Variants in PDE11A observed in about 807,000 individuals in gnomAD.
PDE11A encodes phosphodiesterase 11A, also known as dual 3',5'-cyclic-AMP and -GMP phosphodiesterase 11A.
Under a neutral mutation model 100.5 loss-of-function variants are expected in PDE11A, and 100 were observed. That is an observed-to-expected ratio of 1.00 (90% confidence interval 0.85 to 1.18). The LOEUF is 1.18. PDE11A is among the 50% of genes most tolerant of loss of function. PDE11A has a pLI of 0.00. For missense variants in PDE11A, 1,141 were observed against 1,152.6 expected (o/e 0.99, Z 0.15); for synonymous variants, 381 against 420.8 (o/e 0.91, Z 1.16).
intron 10 of PDE11A, among the ~76,000 whole-genome samples, chr2:177,745,767 T>C (rs2081938771): frequency 6.6e-6 from 1 of 152,190 alleles, no homozygotes; most frequent in African/African-American, 2.4e-5. Flanking sequence ...GTGAGTGTAT[T>C]TGTTTTCCCA....
intron 9 of PDE11A, among the ~76,000 whole-genome samples, chr2:177,782,963 A>G (rs1299290070): frequency 6.6e-6 from 1 of 152,114 alleles, no homozygotes; most frequent in Non-Finnish European, 1.5e-5. Context: ...GCACCCTCTC[A>G]TGAAGTATCA....
Position 178,072,651 on chromosome 2 carries a change from ACTC to A in PDE11A, c.-217_-215del, listed in dbSNP as rs1321189719. 4 of 1,460,170 alleles carry A rather than the reference ACTC, an allele frequency of 2.7e-6. No individual in the cohort carries two copies. The African/African-American group carries it at 5.7e-5, about 21-fold the overall frequency. 90.5% of individuals were successfully genotyped at this position (1,460,170 alleles called of 1,614,324 possible). On this transcript the variant is annotated 5_prime_UTR_variant, in exon 1 of 20. Transcript: ENST00000286063. Reference sequence around the variant, plus strand: ...GCCGACCCCACCCCGTGGTCCTGCTACTCCTGCTCCGCACAGGTGCCCAGCACT... The same window carrying A: ...GCCGACCCCACCCCGTGGTCCTGCTACTGCTCCGCACAGGTGCCCAGCACT...
rs529018398 is a variant in PDE11A, at chr2:177,629,474, C to G, written c.2735G>C (p.Arg912Pro). The G allele has an allele frequency of 6.2e-7, 1 of 1,613,872 alleles. No homozygotes were observed. The highest frequency in any genetic ancestry group is 8.5e-7 in the Non-Finnish European group (1 of 1,179,818). ...RSKWEELHQK[R>P]LLASTASSSP... Reference sequence around the variant, plus strand: ...GGATGAGGCAGTTGAGGCCAGCAGTCGTTTTTGGTGTAGCTCTTCCCACTT... The same window carrying G: ...GGATGAGGCAGTTGAGGCCAGCAGTGGTTTTTGGTGTAGCTCTTCCCACTT... The change falls in exon 20 of 20, where the codon CGA becomes CCA. Residue 912 changes from arginine to proline, a missense_variant. By Grantham distance (103) the Arg-to-Pro change is moderately radical (BLOSUM62 -2). Coordinates refer to ENST00000286063, the MANE Select transcript of PDE11A (RefSeq NM_016953.4).
intron 2 of PDE11A, among the ~76,000 whole-genome samples, chr2:178,082,377 C>T (rs2087297177): frequency 1.3e-5 from 2 of 152,262 alleles, no homozygotes; most frequent in Middle Eastern, 6.8e-3. Context: ...AATACGTATA[C>T]CATTTTTTAA....
rs563498446 is a variant in PDE11A at position 178,072,699 on chromosome 2, G to C, written c.-262C>G. ...AGCACTGAGCTGCCGCCGCTGCCCC[G>C]GCTCCTGTTCCGGAAACCCGAGCTA... is the stretch of plus-strand genomic sequence containing the variant. On this transcript the variant is annotated 5_prime_UTR_variant, in exon 1 of 20. Transcript: ENST00000286063. The C allele has an allele frequency of 1.0e-5, 14 of 1,398,854 alleles. No homozygotes were observed. The Admixed American group carries it at 1.5e-4, about 15-fold the overall frequency. The allele number at this position is 1,398,854 out of a possible 1,614,324, so 86.7% of individuals were successfully genotyped here. A position where few individuals can be genotyped will look rare whatever the true frequency, so the allele number is the denominator to read the frequency against.
At chr2:177,972,641 A>G (rs1287110453) in intron 2 of PDE11A, among the ~76,000 whole-genome samples, 1 of 152,014 alleles carries the variant, frequency 6.6e-6, no homozygotes, top group Non-Finnish European at 1.5e-5. Context: ...AAGCTGAAAG[A>G]AAAAAAAGCT....
In PDE11A at chr2:178,072,424, C is replaced by A. The variant is rs779825580; in HGVS notation, c.14G>T (p.Arg5Leu). 6 of 1,613,320 alleles carry A rather than the reference C, an allele frequency of 3.7e-6. No homozygotes were observed. Among genetic ancestry groups the A allele is most frequent in the Non-Finnish European group, 5.1e-6 (6 of 1,180,032 alleles). The change falls in exon 1 of 20, where the codon CGC (arginine) becomes CTC (leucine). Residue 5 changes from arginine to leucine, a missense_variant. By Grantham distance (102) the Arg-to-Leu change is moderately radical. Transcript: ENST00000286063. MAAS[R>L]LDFGEVETFL... ...AGTTTCCACCTCCCCAAAGTCCAGG[C>A]GGGAGGCTGCCATGGTCCCAGACAG...
At chr2:177,916,935 T>A in intron 2 of PDE11A, among the ~76,000 whole-genome samples, 1 of 116,980 alleles carries the variant, frequency 8.5e-6, no homozygotes, top group East Asian at 2.5e-4. Context: ...TAATTTTTTT[T>A]TTTTTTTTTT....
At chr2:177,984,701 A>T (rs555340556) in intron 2 of PDE11A, among the ~76,000 whole-genome samples, 2 of 152,340 alleles carry the variant, frequency 1.3e-5, no homozygotes, top group Non-Finnish European at 2.9e-5. Context: ...ATATACATAA[A>T]CTTCACCAAA....
intron 2 of PDE11A, among the ~76,000 whole-genome samples, chr2:178,093,748 G>A (rs1410501927): frequency 1.3e-5 from 2 of 152,180 alleles, no homozygotes; most frequent in Non-Finnish European, 2.9e-5. Flanking sequence ...AAAAAGAATA[G>A]GATATATCAG....
At chr2:177,779,007 A>G (rs1349142043) in intron 9 of PDE11A, among the ~76,000 whole-genome samples, 1 of 152,324 alleles carries the variant, frequency 6.6e-6, no homozygotes, top group South Asian at 2.1e-4. Context: ...AACATGGGGT[A>G]ATAATAAAAT....
intron 10 of PDE11A, among the ~76,000 whole-genome samples, chr2:177,763,970 A>G (rs1018017311): frequency 6.6e-6 from 1 of 152,238 alleles, no homozygotes; most frequent in Non-Finnish European, 1.5e-5. Flanking sequence ...GGCATAAGGC[A>G]GACACATCTC....
intron 12 of PDE11A, among the ~76,000 whole-genome samples, chr2:177,727,125 T>C (rs561932226): frequency 3.3e-5 from 5 of 152,138 alleles, no homozygotes; most frequent in African/African-American, 9.6e-5. Flanking sequence ...CATCACTGGG[T>C]TAAAACCCCA....
At chr2:177,822,460 C>T (rs1023575709) in intron 6 of PDE11A, among the ~76,000 whole-genome samples, 2 of 151,886 alleles carry the variant, frequency 1.3e-5, no homozygotes, top group African/African-American at 4.8e-5. Context: ...GGTATCTATC[C>T]TTATGCCAAT....
chr2:177,662,008 C>A (rs35655847), intron 19 of PDE11A, among the ~76,000 whole-genome samples: 3,405 of 152,234 alleles, frequency 0.022, 299 homozygotes, highest in Admixed American at 0.15. Flanking sequence ...ATCTAACCGA[C>A]AGATAAGTAG....
chr2:178,061,001 T>C (rs1272066444), intron 1 of PDE11A, among the ~76,000 whole-genome samples: 3 of 137,890 alleles, frequency 2.2e-5, no homozygotes, highest in Non-Finnish European at 3.0e-5. Context: ...TGGAGTGCAA[T>C]GGTATGATCT....
At chr2:177,897,910 TA>T (rs1048226537) in intron 4 of PDE11A, 147 bp downstream of exon 4, 6 of 686,238 alleles carry the variant, frequency 8.7e-6, no homozygotes, top group Non-Finnish European at 1.3e-5. Context: ...ATAAAGAAAA[TA>T]AAAAACTTGT....
At chr2:178,077,484 CAG>C (rs2087222924), upstream of PDE11A, among the ~76,000 whole-genome samples, 1 of 152,088 alleles carries the variant, frequency 6.6e-6, no homozygotes, top group Admixed American at 6.6e-5. Flanking sequence ...TGTTTAAATC[CAG>C]CTGCCTTCTC....
At chr2:177,841,222 T>C (rs530476082) in intron 5 of PDE11A, among the ~76,000 whole-genome samples, 39 of 152,306 alleles carry the variant, frequency 2.6e-4, no homozygotes, top group Non-Finnish European at 5.1e-4. Flanking sequence ...TCCACAAGTA[T>C]ATATTGAGCA....
Sources: gnomAD v4.1 joint callset for allele counts (sites outside exome capture counted in the v4.1 genomes callset) on GRCh38, gnomAD v4.1.1 for gene constraint, MANE v1.5 for transcripts, NCBI Gene and HGNC (gene_info 2026-07-23, HGNC 2026-07-21) for gene names.